Variants in RABEP1 observed in about 807,000 individuals in gnomAD.
The protein encoded by RABEP1 is rabaptin, RAB GTPase binding effector protein 1.
In RABEP1, 51 loss-of-function variants were observed where a neutral mutation model predicts 123.4. The observed-to-expected ratio is 0.41, with a 90% CI of 0.33 to 0.52. The LOEUF (loss-of-function observed/expected upper bound fraction) is 0.52. Ranked by LOEUF, RABEP1 falls within the 20% of genes least tolerant of loss-of-function variation. The pLI, the probability that RABEP1 is intolerant of heterozygous loss-of-function variation, is 0.16. For synonymous variants in RABEP1, 347 were observed against 355.2 expected (o/e 0.98, Z 0.26); for missense variants, 888 against 996.3 (o/e 0.89, Z 1.46).
intron 1 of RABEP1, among the ~76,000 whole-genome samples, chr17:5,300,595 A>G (rs2075127744): frequency 6.6e-6 from 1 of 152,146 alleles, no homozygotes; most frequent in African/African-American, 2.4e-5. Context: ...GTATGATGTT[A>G]TGAAATCAGC....
rs929346355 is a variant in RABEP1 at position 5,282,294 on chromosome 17, G to A, written c.-193G>A. 4 of 409,048 alleles carry A rather than the reference G, an allele frequency of 9.8e-6. No homozygotes were observed. The highest frequency in any genetic ancestry group is 8.8e-5 in the Admixed American group (2 of 22,616). 25.3% of individuals were successfully genotyped at this position (409,048 alleles called of 1,614,324 possible). ...TGCTTATTTCCCGCTGTCAGGATGA[G>A]GAGGCGGAGGTCGGCGGTCGGGTCC... On this transcript the variant is annotated 5_prime_UTR_variant, in exon 1 of 18. Coordinates refer to ENST00000537505, the MANE Select transcript of RABEP1 (RefSeq NM_004703.6).
At chr17:5,334,737 A>G (rs193049513) in intron 3 of RABEP1, among the ~76,000 whole-genome samples, 4 of 152,252 alleles carry the variant, frequency 2.6e-5, no homozygotes, top group East Asian at 1.9e-4. Flanking sequence ...TCAACTTACA[A>G]TCTTGGGTTC....
intron 2 of RABEP1, among the ~76,000 whole-genome samples, chr17:5,331,330 G>A (rs142559632): frequency 6.6e-6 from 1 of 152,206 alleles, no homozygotes; most frequent in East Asian, 1.9e-4. Flanking sequence ...GTTGTTAAGG[G>A]TATGGGAAAA....
intron 1 of RABEP1, among the ~76,000 whole-genome samples, chr17:5,300,487 T>C (rs2075126472): frequency 1.3e-5 from 2 of 152,118 alleles, no homozygotes; most frequent in African/African-American, 2.4e-5. Flanking sequence ...ACTGAGGTAG[T>C]ATTGGTCAAG....
intron 2 of RABEP1, among the ~76,000 whole-genome samples, chr17:5,315,398 A>C (rs1246986130): frequency 1.3e-5 from 2 of 152,242 alleles, no homozygotes; most frequent in Non-Finnish European, 2.9e-5. Flanking sequence ...AAAGACAAAG[A>C]GGATGAATTA....
At position 5,385,785 on chromosome 17, in the gene RABEP1, CA is replaced by C; in HGVS notation, c.*2565del. 1 of 236,058 alleles carries C rather than the reference CA, an allele frequency of 4.2e-6. No homozygotes were observed. Among genetic ancestry groups the C allele is most frequent in the East Asian group, 6.1e-5 (1 of 16,400 alleles). The allele number at this position is 236,058 out of a possible 1,614,324, so 14.6% of individuals were successfully genotyped here. On this transcript the variant is annotated 3_prime_UTR_variant, in exon 18 of 18. Transcript: ENST00000537505. The stretch of plus-strand genomic sequence containing the variant: ...GGTGTGTCCTCAAGAAGAAAGTGTT[CA>C]AATTAAAAAAGCTGCTGCCAAGTAC...
intron 2 of RABEP1, among the ~76,000 whole-genome samples, chr17:5,324,057 A>G (rs998926704): frequency 6.6e-6 from 1 of 151,904 alleles, no homozygotes; most frequent in African/African-American, 2.4e-5. Flanking sequence ...TCAAAATACC[A>G]ATGACATTTT....
rs750562287 is a variant in RABEP1, at chr17:5,378,919, C to G, written c.2271+687C>G. ...CCTCTTCCCTTCATCTCCCACCACA[C>G]CTGTCCCTATGGTCTTTGACTCCTT... is the stretch of plus-strand genomic sequence containing the variant. On this transcript the variant is annotated intron_variant, in intron 15 of 17. Coordinates refer to ENST00000537505, the MANE Select transcript of RABEP1 (RefSeq NM_004703.6). 6.6e-5 allele frequency among the ~76,000 whole-genome samples: 10 copies of G among 152,216 alleles called. 1 individual carries two copies. Among genetic ancestry groups the G allele is most frequent in the Admixed American group, 6.5e-5 (1 of 15,282 alleles).
chr17:5,333,975 A>G (rs957795559), intron 3 of RABEP1, among the ~76,000 whole-genome samples: 3 of 152,108 alleles, frequency 2.0e-5, no homozygotes, highest in Non-Finnish European at 4.4e-5. Context: ...GATTTCCTAA[A>G]CAAAATTGGA....
At chr17:5,296,895 A>G (rs1334935029) in intron 1 of RABEP1, among the ~76,000 whole-genome samples, 3 of 152,102 alleles carry the variant, frequency 2.0e-5, no homozygotes, top group African/African-American at 7.2e-5. Flanking sequence ...GTGCACCACC[A>G]CATCTGGCTA....
At chr17:5,311,086 A>C (rs1485317701) in intron 2 of RABEP1, among the ~76,000 whole-genome samples, 3 of 152,076 alleles carry the variant, frequency 2.0e-5, no homozygotes, top group Non-Finnish European at 4.4e-5. Flanking sequence ...CTGGGATTAC[A>C]GGCGTGAGCC....
At chr17:5,327,347 CAA>C (rs772982752) in intron 2 of RABEP1, among the ~76,000 whole-genome samples, 8 of 75,220 alleles carry the variant, frequency 1.1e-4, no homozygotes, top group Admixed American at 1.5e-4. Flanking sequence ...GATTCTGTCT[CAA>C]AAAAAAAAAA....
chr17:5,312,440 C>A (rs1350495646), intron 2 of RABEP1, among the ~76,000 whole-genome samples: 2 of 152,146 alleles, frequency 1.3e-5, no homozygotes, highest in African/African-American at 4.8e-5. Context: ...CATGAGCCAC[C>A]GTGCCTGGCC....
intron 1 of RABEP1, 87 bp downstream of exon 1, chr17:5,282,607 C>A: frequency 1.0e-6 from 1 of 956,024 alleles, no homozygotes; most frequent in South Asian, 5.0e-5. Context: ...CAGGCGGCGG[C>A]AAGGGCGCGC....
chr17:5,325,343 A>C (rs535170620), intron 2 of RABEP1, among the ~76,000 whole-genome samples: 3 of 152,244 alleles, frequency 2.0e-5, no homozygotes, highest in South Asian at 4.2e-4. Context: ...TCCGTCCAAA[A>C]AAAAAAGGAA....
chr17:5,342,872 A>G (rs1391316842), intron 5 of RABEP1, among the ~76,000 whole-genome samples: 4 of 152,228 alleles, frequency 2.6e-5, no homozygotes, highest in African/African-American at 9.6e-5. Context: ...TGGATCAATA[A>G]AACAGAAAGC....
chr17:5,347,317 C>A (rs1362850208), intron 6 of RABEP1, among the ~76,000 whole-genome samples: 1 of 152,052 alleles, frequency 6.6e-6, no homozygotes, highest in African/African-American at 2.4e-5. Context: ...GGTTGAGGCA[C>A]GAGAATCACT....
intron 1 of RABEP1, among the ~76,000 whole-genome samples, chr17:5,293,888 A>AATT (rs573643832): frequency 5.9e-5 from 9 of 152,060 alleles, no homozygotes; most frequent in African/African-American, 1.7e-4. Context: ...ACATCATTTC[A>AATT]ATTATTAAGT....
In RABEP1 at chr17:5,367,725, A is replaced by T. The variant is rs1597390192; in HGVS notation, c.1786-645A>T. On this transcript the variant is annotated intron_variant, in intron 11 of 17. Coordinates refer to ENST00000537505, the MANE Select transcript of RABEP1 (RefSeq NM_004703.6). ...GCCTTTTTTTTGTGCTAAATTCTGC[A>T]CTGTGATTTATGTGAAATAAAATTT... Among the ~76,000 whole-genome samples the T allele has an allele frequency of 2.0e-5, 3 of 150,624 alleles. No homozygotes were observed. The East Asian group carries it at 6.0e-4, about 30-fold the overall frequency.
Sources: allele counts gnomAD v4.1 joint callset (sites outside exome capture counted in the v4.1 genomes callset), GRCh38; gene constraint gnomAD v4.1.1; transcripts MANE v1.5; gene names NCBI Gene and HGNC (gene_info 2026-07-23, HGNC 2026-07-21).